RBM6: variants seen among roughly 807,000 people sequenced by gnomAD.
RBM6 encodes RNA binding motif protein 6.
RBM6 carries 23 observed loss-of-function variants against 140.4 expected under a neutral mutation model. The observed-to-expected ratio is 0.16, with a 90% confidence interval of 0.12 to 0.23. RBM6 has a LOEUF of 0.23. Ranked by LOEUF, RBM6 falls within the 10% of genes least tolerant of loss-of-function variation. RBM6 has a pLI of 1.00. For synonymous variants in RBM6, 439 were observed against 475.6 expected (o/e 0.92, Z 1.00); for missense variants, 1,139 against 1,386.7 (o/e 0.82, Z 2.84).
At chr3:49,948,989 C>G (rs1274934620) in intron 1 of RBM6, among the ~76,000 whole-genome samples, 1 of 150,822 alleles carries the variant, frequency 6.6e-6, no homozygotes, top group East Asian at 2.0e-4. Context: ...GCCACCACGC[C>G]TGGCTAATTT....
Position 49,967,436 on chromosome 3 carries a change from G to GTCGCCGTA in RBM6, c.45-34_45-33insTCGCCGTA. On this transcript the variant is annotated intron_variant, in intron 2 of 20. Transcript: ENST00000266022. This position sits in a 1 kb window ranked among gnomAD's most constrained non-coding sequence, Gnocchi z 4.0. ...TGGTGTGTAGATTTCAAACTCTCTG[G>GTCGCCGTA]ACAATATGAATAACACTGTCTTTGT... is the stretch of plus-strand genomic sequence containing the variant. 6.3e-7 allele frequency: 1 copy of GTCGCCGTA among 1,592,662 alleles called. No individual in the cohort carries two copies. Among genetic ancestry groups the GTCGCCGTA allele is most frequent in the Non-Finnish European group, 8.6e-7 (1 of 1,168,206 alleles).
chr3:50,025,501 C>A (rs976619867), intron 6 of RBM6, among the ~76,000 whole-genome samples: 2 of 150,400 alleles, frequency 1.3e-5, no homozygotes, highest in African/African-American at 4.9e-5. Context: ...TTAATATATA[C>A]CTACCTGTGA....
intron 1 of RBM6, among the ~76,000 whole-genome samples, chr3:49,955,160 CTTTTT>C (rs869272546): frequency 1.4e-4 from 10 of 72,714 alleles, no homozygotes; most frequent in Admixed American, 7.4e-4. Context: ...TTTTTTCTTT[CTTTTT>C]TTTTTTTTTT....
At position 49,968,609 on chromosome 3, in the gene RBM6, G is replaced by C. The variant is rs776099410; in HGVS notation, c.1184G>C (p.Gly395Ala). The C allele has an allele frequency of 1.2e-6, 2 of 1,613,970 alleles. No individual in the cohort carries two copies. The highest frequency in any genetic ancestry group is 1.3e-5 in the African/African-American group (1 of 74,900). Residue 395 changes from glycine to alanine, a missense_variant, in exon 3 of 21, where the codon GGG becomes GCG. Physicochemically the swap from Gly to Ala is moderately conservative, Grantham distance 60 (BLOSUM62 0). Coordinates refer to ENST00000266022, the MANE Select transcript of RBM6 (RefSeq NM_005777.3). ...GAAGAAGGCGGTCTGGACTTTCTTG[G>C]GCGGCAAGACACCGATTACAGAAGC... ...FKEEGGLDFL[G>A]RQDTDYRSME...
intron 16 of RBM6, 26 bp downstream of exon 16, chr3:50,065,152 CCTAGGG>C: frequency 6.4e-7 from 1 of 1,559,796 alleles, no homozygotes; most frequent in Non-Finnish European, 8.8e-7. Flanking sequence ...ATCCCCTGGA[CCTAGGG>C]CTGGGGCTGG....
intron 2 of RBM6, among the ~76,000 whole-genome samples, chr3:49,965,597 GA>G (rs2084473550): frequency 6.6e-6 from 1 of 151,994 alleles, no homozygotes; most frequent in South Asian, 2.1e-4. Context: ...GTGAACCCGG[GA>G]GGCGGAGCTT....
At chr3:50,047,720 A>G (rs17304079) in intron 6 of RBM6, among the ~76,000 whole-genome samples, 34,111 of 152,138 alleles carry the variant, frequency 0.22, 4,140 homozygotes, top group Middle Eastern at 0.27. Flanking sequence ...CCTGTCTTCA[A>G]TGTTGTATGT....
chr3:49,990,396 A>G (rs2085766309), intron 5 of RBM6, among the ~76,000 whole-genome samples: 1 of 152,212 alleles, frequency 6.6e-6, no homozygotes. Context: ...CCAAATCAAC[A>G]ACAGCTATGA....
chr3:50,023,655 A>ATTTTTTTTTTTTTTTTTTTTTTTTTTTTT (rs35083306), intron 6 of RBM6, among the ~76,000 whole-genome samples: 1 of 115,106 alleles, frequency 8.7e-6, no homozygotes, highest in Non-Finnish European at 1.7e-5. Flanking sequence ...ATGTTTGGTG[A>ATTTTTTTTTTTTTTTTTTTTTTTTTTTTT]TTTTTTTTTT....
intron 19 of RBM6, among the ~76,000 whole-genome samples, chr3:50,074,742 CAT>C (rs2090407746): frequency 6.6e-6 from 1 of 152,192 alleles, no homozygotes; most frequent in African/African-American, 2.4e-5. Flanking sequence ...AGCAACAAAA[CAT>C]AGCTATCAGG....
chr3:49,973,287 G>A (rs1469562198), intron 4 of RBM6, among the ~76,000 whole-genome samples: 1 of 151,794 alleles, frequency 6.6e-6, no homozygotes, highest in Non-Finnish European at 1.5e-5. Context: ...CATGCTAATG[G>A]GGCTGTTTTT....
chr3:49,978,222 A>AAG (rs780518450), intron 5 of RBM6, among the ~76,000 whole-genome samples: 21 of 152,080 alleles, frequency 1.4e-4, no homozygotes, highest in Non-Finnish European at 2.5e-4. Context: ...GCTGGTCTTG[A>AAG]ACTCCTGGGT....
intron 5 of RBM6, among the ~76,000 whole-genome samples, chr3:49,988,783 A>T (rs1371422481): frequency 6.6e-6 from 1 of 152,152 alleles, no homozygotes; most frequent in African/African-American, 2.4e-5. Flanking sequence ...CAGCCTGGGC[A>T]ACATGGCAAA....
At chr3:49,995,097 G>A (rs1431502188) in intron 5 of RBM6, among the ~76,000 whole-genome samples, 1 of 152,020 alleles carries the variant, frequency 6.6e-6, no homozygotes, top group Non-Finnish European at 1.5e-5. Context: ...TATTTATCAG[G>A]GTTTTGTTTT....
intron 1 of RBM6, among the ~76,000 whole-genome samples, chr3:49,959,858 C>T (rs1267616506): frequency 6.6e-6 from 1 of 152,158 alleles, no homozygotes. Flanking sequence ...AGACATGAGC[C>T]CCCACGCCCG....
chr3:50,061,987 C>T lies in RBM6; in HGVS notation c.2465C>T (p.Pro822Leu), dbSNP rs79422933. 9.3e-6 allele frequency: 15 copies of T among 1,613,752 alleles called. No individual in the cohort carries two copies. The East Asian group carries it at 3.3e-4, about 36-fold the overall frequency. ...TQQEVYVPQD[P>L]GLPEEEEIKE... Reference sequence around the variant, plus strand: ...CAAGAAGTCTATGTGCCCCAGGATCCTGGATTACCTGAGGAAGAAGAGATC... The same window carrying T: ...CAAGAAGTCTATGTGCCCCAGGATCTTGGATTACCTGAGGAAGAAGAGATC... Residue 822 changes from proline (P) to leucine (L), a missense_variant, in exon 15 of 21, where the codon CCT (proline) becomes CTT (leucine). By Grantham distance (98) the Pro-to-Leu change is moderately conservative (BLOSUM62 -3). Coordinates refer to ENST00000266022, the MANE Select transcript of RBM6 (RefSeq NM_005777.3).
intron 6 of RBM6, among the ~76,000 whole-genome samples, chr3:50,008,126 C>G (rs1342402289): frequency 1.3e-5 from 2 of 152,118 alleles, no homozygotes; most frequent in Non-Finnish European, 2.9e-5. Context: ...CTCTGATAAC[C>G]AGCCCATTAT....
intron 1 of RBM6, among the ~76,000 whole-genome samples, chr3:49,959,797 C>T (rs1198171379): frequency 2.0e-5 from 3 of 152,062 alleles, no homozygotes; most frequent in Middle Eastern, 6.8e-3. Context: ...GTCTCGAACT[C>T]CTGACCTCAA....
chr3:50,025,094 C>A (rs2108805087), intron 6 of RBM6, among the ~76,000 whole-genome samples: 1 of 150,336 alleles, frequency 6.7e-6, no homozygotes, highest in South Asian at 2.1e-4. Flanking sequence ...TTTTTTTTCC[C>A]CCATTTGGAG....
Sources: allele counts gnomAD v4.1 joint callset (sites outside exome capture counted in the v4.1 genomes callset), GRCh38; gene constraint gnomAD v4.1.1; non-coding constraint Gnocchi (gnomAD v3.1); transcripts MANE v1.5; gene names NCBI Gene and HGNC (gene_info 2026-07-23, HGNC 2026-07-21).